The following MXRA7 variants were observed in gnomAD, a reference collection of about 807,000 sequenced individuals.
MXRA7 encodes the protein matrix-remodeling-associated protein 7.
In MXRA7, 18 loss-of-function variants were observed where a neutral mutation model predicts 17.4. The ratio of observed to expected loss-of-function variants is 1.03; its 90% confidence interval spans 0.71 to 1.53. The LOEUF (loss-of-function observed/expected upper bound fraction) is 1.53. MXRA7 is among the 40% of genes most tolerant of loss of function. The pLI is 0.00. For missense variants in MXRA7, 141 were observed against 209.3 expected (o/e 0.67, Z 2.01); for synonymous variants, 70 against 101.7 (o/e 0.69, Z 1.87).
At chr17:76,676,928 A>C (rs1257903623), downstream of MXRA7, 1 of 151,778 alleles carries the variant, frequency 6.6e-6, no homozygotes, top group African/African-American at 2.4e-5. Context: ...AAAACAAAAA[A>C]ACCATGCTCC....
At chr17:76,710,582 G>C (rs1844815184) in intron 1 of MXRA7, 23 bp downstream of exon 1, 5 of 1,291,888 alleles carry the variant, frequency 3.9e-6, no homozygotes, top group South Asian at 2.1e-5. Flanking sequence ...TGGGGAGGGG[G>C]CCGCGAGGGC....
rs764027197 is a variant in MXRA7, at chr17:76,685,172, A to AG, written c.407-8dup. 6.1e-5 allele frequency: 98 copies of AG among 1,611,010 alleles called. No homozygotes were observed. The highest frequency in any genetic ancestry group is 2.2e-4 in the South Asian group (20 of 91,032). On this transcript the variant is annotated splice_polypyrimidine_tract_variant and splice_region_variant and intron_variant, in intron 2 of 3. Transcript: ENST00000449428. ...TTGAAGGAGAAGCCTTCTCCTGTGG[A>AG]GGGGGGACCCAGTAAGTGCCAGGAG...
At chr17:76,701,358 G>A (rs1031256192) in intron 1 of MXRA7, among the ~76,000 whole-genome samples, 3 of 145,236 alleles carry the variant, frequency 2.1e-5, no homozygotes, top group African/African-American at 5.2e-5. Flanking sequence ...GCTGAGCGTC[G>A]GGGGGGTGGA....
intron 3 of MXRA7, among the ~76,000 whole-genome samples, chr17:76,682,563 A>G (rs1358912768): frequency 6.6e-6 from 1 of 152,108 alleles, no homozygotes; most frequent in Admixed American, 6.5e-5. Context: ...AGCCAAAGCC[A>G]AACTGACCAG....
chr17:76,679,139 T>A (rs2076265342), downstream of MXRA7, among the ~76,000 whole-genome samples: 1 of 151,936 alleles, frequency 6.6e-6, no homozygotes, highest in Admixed American at 6.6e-5. Flanking sequence ...TATAAAACAA[T>A]TAGCCAGGTG....
At chr17:76,707,187 A>G (rs972228776) in intron 1 of MXRA7, among the ~76,000 whole-genome samples, 7 of 150,296 alleles carry the variant, frequency 4.7e-5, no homozygotes, top group African/African-American at 7.4e-5. Context: ...TCAAGATTGT[A>G]TTTATTTGTC....
At chr17:76,677,650 C>T (rs554576196), downstream of MXRA7, 4 of 1,613,972 alleles carry the variant, frequency 2.5e-6, no homozygotes, top group African/African-American at 1.3e-5. Flanking sequence ...CCAAACGTCT[C>T]CTTGTTGTCT....
rs531198056 is a variant in MXRA7, at chr17:76,693,062, A to T, written c.343-4886T>A. On this transcript the variant is annotated intron_variant, in intron 1 of 3. Coordinates refer to ENST00000449428, the MANE Select transcript of MXRA7 (RefSeq NM_198530.4). ...TGTCAGGAAACTAAGTGGAAAAGAA[A>T]TTTAAATAAGTAAATATTCAACTGA... Among the ~76,000 whole-genome samples the T allele has an allele frequency of 3.3e-5, 5 of 152,360 alleles. No individual in the cohort carries two copies. The East Asian group carries it at 9.6e-4, about 29-fold the overall frequency.
intron 1 of MXRA7, among the ~76,000 whole-genome samples, chr17:76,709,008 TG>T (rs2076691484): frequency 6.6e-6 from 1 of 152,120 alleles, no homozygotes; most frequent in African/African-American, 2.4e-5. Context: ...ATTATGCGAG[TG>T]GCCCTATTTA....
At chr17:76,686,754 G>C (rs889479493) in intron 2 of MXRA7, among the ~76,000 whole-genome samples, 2 of 152,152 alleles carry the variant, frequency 1.3e-5, no homozygotes, top group Non-Finnish European at 2.9e-5. Flanking sequence ...TCATTTTAGC[G>C]ACACTAATAA....
intron 1 of MXRA7, among the ~76,000 whole-genome samples, chr17:76,706,788 G>T (rs2076666862): frequency 6.6e-6 from 1 of 152,210 alleles, no homozygotes; most frequent in Admixed American, 6.5e-5. Flanking sequence ...AAGAATGTTG[G>T]CTTCTTTGTT....
intron 1 of MXRA7, among the ~76,000 whole-genome samples, chr17:76,696,718 T>A (rs1245382499): frequency 6.6e-6 from 1 of 152,050 alleles, no homozygotes; most frequent in Non-Finnish European, 1.5e-5. Flanking sequence ...AGGCCCAAAC[T>A]GCGATGCTAA....
At chr17:76,693,453 G>T (rs1377425571) in intron 1 of MXRA7, among the ~76,000 whole-genome samples, 1 of 131,112 alleles carries the variant, frequency 7.6e-6, no homozygotes, top group Non-Finnish European at 1.6e-5. Context: ...CAACAGACTG[G>T]ATTTTTTTTT....
rs780247634 is a variant in MXRA7 at position 76,685,159 on chromosome 17, C to G, written c.413G>C (p.Gly138Ala). ...SEGPEEEDGE[G>A]FSFKYSPGKL... ...CCCGGGGCTGTATTTGAAGGAGAAG[C>G]CTTCTCCTGTGGAGGGGGGACCCAG... is the stretch of plus-strand genomic sequence containing the variant. The change falls in exon 3 of 4, where the codon GGC becomes GCC. Residue 138 changes from glycine (G) to alanine (A), a missense_variant. Physicochemically the swap from Gly to Ala is moderately conservative, Grantham distance 60. Coordinates refer to ENST00000449428, the MANE Select transcript of MXRA7 (RefSeq NM_198530.4). The G allele has an allele frequency of 2.5e-6, 4 of 1,613,252 alleles. No homozygotes were observed. The highest frequency in any genetic ancestry group is 8.5e-7 in the Non-Finnish European group (1 of 1,179,286).
intron 2 of MXRA7, among the ~76,000 whole-genome samples, chr17:76,687,550 T>A (rs1176906287): frequency 6.6e-6 from 1 of 152,206 alleles, no homozygotes; most frequent in Non-Finnish European, 1.5e-5. Flanking sequence ...CAGAAGCCAC[T>A]CCATGTTTGG....
At chr17:76,694,051 T>C (rs1211346195) in intron 1 of MXRA7, among the ~76,000 whole-genome samples, 1 of 152,204 alleles carries the variant, frequency 6.6e-6, no homozygotes, top group South Asian at 2.1e-4. Context: ...GTGGCCCCAG[T>C]TGGGGCGGTC....
At chr17:76,695,354 G>GTGTGTA (rs2076522466) in intron 1 of MXRA7, among the ~76,000 whole-genome samples, 1 of 144 alleles carries the variant, frequency 6.9e-3, no homozygotes, top group South Asian at 0.5. Context: ...TTAGCTTCAG[G>GTGTGTA]TGTGTGTGTG....
chr17:76,678,631 CCACAT>C (rs2076260204), downstream of MXRA7, among the ~76,000 whole-genome samples: 1 of 152,226 alleles, frequency 6.6e-6, no homozygotes, highest in Non-Finnish European at 1.5e-5. Flanking sequence ...AGAACGTAAA[CCACAT>C]CACAGTGTCG....
At chr17:76,709,048 C>G (rs2143697374) in intron 1 of MXRA7, among the ~76,000 whole-genome samples, 1 of 152,266 alleles carries the variant, frequency 6.6e-6, no homozygotes, top group East Asian at 1.9e-4. Context: ...CCTGTAGGTA[C>G]CATGTGCTGA....
Sources: allele counts gnomAD v4.1 joint callset (sites outside exome capture counted in the v4.1 genomes callset), GRCh38; gene constraint gnomAD v4.1.1; transcripts MANE v1.5; gene names NCBI Gene and HGNC (gene_info 2026-07-23, HGNC 2026-07-21).